Variants in BIN1 observed in about 807,000 individuals in gnomAD.
BIN1 encodes the protein bridging integrator 1, also known as myc box-dependent-interacting protein 1.
In BIN1, 53 loss-of-function variants were observed where a neutral mutation model predicts 82.0. That is an observed-to-expected ratio of 0.65 (90% CI 0.52 to 0.81). BIN1 has a LOEUF of 0.81. Ranked by LOEUF, BIN1 falls within the 40% of genes least tolerant of loss-of-function variation. The pLI is 0.00. For synonymous variants in BIN1, 302 were observed against 328.0 expected (o/e 0.92, Z 0.86); for missense variants, 642 against 784.4 (o/e 0.82, Z 2.17).
At chr2:127,085,246 C>G (rs1209864718) in intron 1 of BIN1, among the ~76,000 whole-genome samples, 2 of 152,194 alleles carry the variant, frequency 1.3e-5, no homozygotes, top group South Asian at 4.1e-4. Flanking sequence ...CCCAGGGGCA[C>G]CGGGAAGTGA....
intron 1 of BIN1, among the ~76,000 whole-genome samples, chr2:127,097,336 G>A (rs919535025): frequency 1.3e-5 from 2 of 148,480 alleles, no homozygotes; most frequent in Non-Finnish European, 3.0e-5. Flanking sequence ...GCCCAGGAGC[G>A]TCACCCCTCC....
intron 1 of BIN1, among the ~76,000 whole-genome samples, chr2:127,094,966 G>C (rs1421644751): frequency 6.6e-6 from 1 of 152,208 alleles, no homozygotes; most frequent in Admixed American, 6.5e-5. Context: ...CAGACCAGGA[G>C]AACAGGGTGG....
rs1394127786 is a variant in BIN1, at chr2:127,082,467, C to T, written c.85-5761G>A. On this transcript the variant is annotated intron_variant, in intron 1 of 18. Coordinates refer to ENST00000316724, the MANE Select transcript of BIN1 (RefSeq NM_139343.3). This position sits in a 1 kb window ranked among gnomAD's most constrained non-coding sequence, Gnocchi z 6.1. ...AAGTCTGCACCGAGACCAGGGTTGG[C>T]GTGGGCAGGCCATGGTGGGCGCCCA... Among the ~76,000 whole-genome samples, 4 of 152,054 alleles carry T rather than the reference C, an allele frequency of 2.6e-5. No homozygotes were observed. The highest frequency in any genetic ancestry group is 1.9e-4 in the East Asian group (1 of 5,184).
In BIN1 at chr2:127,076,123, C is replaced by T. The variant is rs1419958623; in HGVS notation, c.165+503G>A. ...CCCTCCCAGCTGCCCTCAGCCCTCT[C>T]TCAAATGCTCCCAGGCCAATTGGAG... On this transcript the variant is annotated intron_variant, in intron 2 of 18. Coordinates refer to ENST00000316724, the MANE Select transcript of BIN1 (RefSeq NM_139343.3). Among the ~76,000 whole-genome samples the T allele has an allele frequency of 2.0e-5, 3 of 152,168 alleles. No individual in the cohort carries two copies. In the East Asian group the frequency reaches 5.8e-4, roughly 29 times the overall value.
chr2:127,075,083 G>C (rs1257650455), intron 2 of BIN1, among the ~76,000 whole-genome samples: 1 of 152,150 alleles, frequency 6.6e-6, no homozygotes, highest in African/African-American at 2.4e-5. Flanking sequence ...CAGGACAAGG[G>C]ATCAGCTCCA....
rs1684843852 is a variant in BIN1 at position 127,064,018 on chromosome 2, C to G, written c.613G>C (p.Ala205Pro). 1 of 1,613,854 alleles carries G rather than the reference C, an allele frequency of 6.2e-7. No individual in the cohort carries two copies. The highest frequency in any genetic ancestry group is 8.5e-7 in the Non-Finnish European group (1 of 1,179,996). ...VAQTNLLRNQ[A>P]EEELIKAQKV... Reference sequence around the variant, plus strand: ...TGGGCTTTGATGAGCTCCTCCTCGGCCTGGGGGGCAGCACGGGTCATTCCC... The same window carrying G: ...TGGGCTTTGATGAGCTCCTCCTCGGGCTGGGGGGCAGCACGGGTCATTCCC... Residue 205 changes from alanine (A) to proline (P), a missense_variant and splice_region_variant, in exon 8 of 19, where the codon GCC becomes CCC. Transcript: ENST00000316724.
At chr2:127,062,760 A>C (rs1476432034) in intron 9 of BIN1, among the ~76,000 whole-genome samples, 3 of 152,244 alleles carry the variant, frequency 2.0e-5, no homozygotes, top group Non-Finnish European at 4.4e-5. Flanking sequence ...ATTTTATATA[A>C]ATGTTCCTTC....
At position 127,067,591 on chromosome 2, in the gene BIN1, G is replaced by A. The variant is rs564688680; in HGVS notation, c.612+572C>T. ...CTCAGCATCCCATCCAGACTGGAGG[G>A]TCCTCCCAGTAACTCCTCCAGAGTC... On this transcript the variant is annotated intron_variant, in intron 7 of 18. Transcript: ENST00000316724. The surrounding 1 kb of genome is among the most constrained non-coding windows in gnomAD (Gnocchi z 4.7). 3.3e-5 allele frequency among the ~76,000 whole-genome samples: 5 copies of A among 152,198 alleles called. No homozygotes were observed. The highest frequency in any genetic ancestry group is 5.9e-5 in the Non-Finnish European group (4 of 68,034).
chr2:127,064,100 C>A, intron 7 of BIN1, 82 bp from the exon 8 acceptor site: 1 of 1,525,596 alleles, frequency 6.6e-7, no homozygotes, highest in East Asian at 2.3e-5. Flanking sequence ...ACCTCCTGCC[C>A]ACCCCTCTTG....
In BIN1 at chr2:127,068,497, C is replaced by T. The variant is rs375717650; in HGVS notation, c.520-242G>A. ...AGCAGCACAGGGGGCCCAGCAAGCACGGCCCTGCCCGGAGGACGGGGCCAC... is the reference window on the plus strand; with the variant it reads ...AGCAGCACAGGGGGCCCAGCAAGCATGGCCCTGCCCGGAGGACGGGGCCAC... On this transcript the variant is annotated intron_variant, in intron 6 of 18. Transcript: ENST00000316724. The surrounding 1 kb of genome is among the most constrained non-coding windows in gnomAD (Gnocchi z 4.9). Among the ~76,000 whole-genome samples, 4 of 152,294 alleles carry T rather than the reference C, an allele frequency of 2.6e-5. No homozygotes were observed. Among genetic ancestry groups the T allele is most frequent in the South Asian group, 2.1e-4 (1 of 4,832 alleles).
intron 1 of BIN1, among the ~76,000 whole-genome samples, chr2:127,104,514 C>A (rs532049159): frequency 6.6e-6 from 1 of 152,114 alleles, no homozygotes; most frequent in African/African-American, 2.4e-5. Context: ...CAGGACTCTC[C>A]CAGCCTCCCA....
chr2:127,058,459 G>A (rs1237943731), intron 11 of BIN1, among the ~76,000 whole-genome samples: 1 of 152,162 alleles, frequency 6.6e-6, no homozygotes, highest in African/African-American at 2.4e-5. Context: ...CAGACACCTG[G>A]AGGGCCCGCT....
intron 1 of BIN1, among the ~76,000 whole-genome samples, chr2:127,088,754 A>AG (rs1238034572): frequency 1.3e-4 from 20 of 151,618 alleles, no homozygotes; most frequent in Non-Finnish European, 2.5e-4. Flanking sequence ...AAAAAAAAAA[A>AG]AGAGAGACAC....
intron 1 of BIN1, among the ~76,000 whole-genome samples, chr2:127,080,623 C>A (rs1283569952): frequency 6.6e-6 from 1 of 152,224 alleles, no homozygotes; most frequent in Non-Finnish European, 1.5e-5. Flanking sequence ...GCGGCAGAGG[C>A]AGCCACAGAG....
Position 127,070,023 on chromosome 2 carries a change from G to C in BIN1, c.383C>G (p.Thr128Arg). 2 of 1,614,114 alleles carry C rather than the reference G, an allele frequency of 1.2e-6. No individual in the cohort carries two copies. Among genetic ancestry groups the C allele is most frequent in the Non-Finnish European group, 1.7e-6 (2 of 1,179,968 alleles). ...GATGTCGGGGAACTGGCCCAGGTAC[G>C]TGTCCATGGTCAGCAGCGCCTGGTC... ...LVDQALLTMD[T>R]YLGQFPDIKS... The change falls in exon 5 of 19, where the codon ACG becomes AGG. Residue 128 changes from threonine to arginine, a missense_variant. Coordinates refer to ENST00000316724, the MANE Select transcript of BIN1 (RefSeq NM_139343.3).
At chr2:127,081,320 G>A (rs748589102) in intron 1 of BIN1, among the ~76,000 whole-genome samples, 5 of 152,218 alleles carry the variant, frequency 3.3e-5, no homozygotes, top group Non-Finnish European at 5.9e-5. Context: ...GATGGCAGGT[G>A]AGCACAAACA....
Position 127,068,645 on chromosome 2 carries a change from G to C in BIN1, c.519+279C>G, listed in dbSNP as rs188477025. Reference sequence around the variant, plus strand: ...CCGGCTCGCCAGGCAGGGCGGCGCCGTTCCAGGGAAACCCAGGAGGCCCAT... The same window carrying C: ...CCGGCTCGCCAGGCAGGGCGGCGCCCTTCCAGGGAAACCCAGGAGGCCCAT... On this transcript the variant is annotated intron_variant, in intron 6 of 18. Coordinates refer to ENST00000316724, the MANE Select transcript of BIN1 (RefSeq NM_139343.3). This position sits in a 1 kb window ranked among gnomAD's most constrained non-coding sequence, Gnocchi z 4.9. Among the ~76,000 whole-genome samples the C allele has an allele frequency of 2.0e-5, 3 of 152,146 alleles. No homozygotes were observed. Among genetic ancestry groups the C allele is most frequent in the African/African-American group, 7.2e-5 (3 of 41,440 alleles).
rs1685785345 is a variant in BIN1, at chr2:127,070,770, G to A, written c.212C>T (p.Ser71Phe). 1.2e-6 allele frequency: 2 copies of A among 1,613,672 alleles called. No homozygotes were observed. Among genetic ancestry groups the A allele is most frequent in the Non-Finnish European group, 1.7e-6 (2 of 1,179,982 alleles). Residue 71 changes from serine to phenylalanine, a missense_variant, in exon 3 of 19, where the codon TCC (serine) becomes TTC (phenylalanine). Physicochemically the swap from Ser to Phe is radical, Grantham distance 155. Transcript: ENST00000316724. ...LQKDLRTYLA[S>F]VKAMHEASKK... Reference sequence around the variant, plus strand: ...CTCTGCCTGCCTCCTACCTTTGACGGAGGCCAGGTAGGTCCGGAGATCCTT... The same window carrying A: ...CTCTGCCTGCCTCCTACCTTTGACGAAGGCCAGGTAGGTCCGGAGATCCTT...
At chr2:127,070,460 G>A (rs1463374506) in intron 4 of BIN1, 93 bp downstream of exon 4, 3 of 1,479,340 alleles carry the variant, frequency 2.0e-6, no homozygotes, top group South Asian at 2.3e-5. Context: ...CCGAGAACCA[G>A]AGAGGCTTGT....
Sources: allele counts gnomAD v4.1 joint callset (sites outside exome capture counted in the v4.1 genomes callset), GRCh38; gene constraint gnomAD v4.1.1; non-coding constraint Gnocchi (gnomAD v3.1); transcripts MANE v1.5; gene names NCBI Gene and HGNC (gene_info 2026-07-23, HGNC 2026-07-21).